ADARB2: variants seen among roughly 807,000 people sequenced by gnomAD.
ADARB2 encodes adenosine deaminase RNA specific B2 (inactive), also known as inactive double-stranded RNA-specific editase B2.
Under a neutral mutation model 62.2 loss-of-function variants are expected in ADARB2, and 25 were observed. That is an observed-to-expected ratio of 0.40 (90% CI 0.29 to 0.56). ADARB2 has a LOEUF of 0.56. ADARB2 is among the 20% of genes least tolerant of loss of function. The pLI is 0.43. For synonymous variants in ADARB2, 572 were observed against 500.8 expected (o/e 1.14, Z -1.90); for missense variants, 1,071 against 1,077.4 (o/e 0.99, Z 0.08).
At chr10:1,227,891 T>G (rs1227570636) in intron 6 of ADARB2, among the ~76,000 whole-genome samples, 3 of 152,218 alleles carry the variant, frequency 2.0e-5, no homozygotes, top group Admixed American at 2.0e-4. Context: ...TCCACAGAAG[T>G]TACCATGTGT....
chr10:1,279,295 C>T, intron 3 of ADARB2, among the ~76,000 whole-genome samples: 1 of 150,830 alleles, frequency 6.6e-6, no homozygotes, highest in African/African-American at 2.5e-5. Flanking sequence ...GACCAGACTC[C>T]ATGGCATCAT....
At chr10:1,682,575 G>A (rs945290165) in intron 1 of ADARB2, among the ~76,000 whole-genome samples, 25 of 152,128 alleles carry the variant, frequency 1.6e-4, no homozygotes, top group Admixed American at 8.5e-4. Flanking sequence ...GATTAAGCCG[G>A]GTTCAGGGTG....
At chr10:1,567,346 G>C (rs1457264808) in intron 1 of ADARB2, among the ~76,000 whole-genome samples, 1 of 152,220 alleles carries the variant, frequency 6.6e-6, no homozygotes, top group African/African-American at 2.4e-5. Context: ...TGAGCTCGCA[G>C]GCGTGAACCC....
chr10:1,724,277 C>G lies in ADARB2; in HGVS notation c.100+12774G>C, dbSNP rs376104305. ...CACCCATCTCTGCATCTGGCCCATA[C>G]AGAACCATGAGGTGCACAATTCTTG... On this transcript the variant is annotated intron_variant, in intron 1 of 9. Coordinates refer to ENST00000381312, the MANE Select transcript of ADARB2 (RefSeq NM_018702.4). Among the ~76,000 whole-genome samples, 54 of 152,320 alleles carry G rather than the reference C, an allele frequency of 3.5e-4. 1 individual carries two copies. The highest frequency in any genetic ancestry group is 1.3e-3 in the African/African-American group (53 of 41,568).
At chr10:1,341,920 G>A (rs1035243614) in intron 3 of ADARB2, among the ~76,000 whole-genome samples, 1 of 152,234 alleles carries the variant, frequency 6.6e-6, no homozygotes, top group East Asian at 1.9e-4. Flanking sequence ...TCCTTCAGGC[G>A]GAATGGGGCT....
intron 1 of ADARB2, among the ~76,000 whole-genome samples, chr10:1,719,234 G>A (rs1467441445): frequency 6.6e-6 from 1 of 152,158 alleles, no homozygotes; most frequent in African/African-American, 2.4e-5. Context: ...AAAGTGCTGG[G>A]ATTACAGGTG....
At chr10:1,264,052 G>T (rs1831169942) in intron 4 of ADARB2, among the ~76,000 whole-genome samples, 1 of 151,958 alleles carries the variant, frequency 6.6e-6, no homozygotes. Context: ...GCTCCTTATT[G>T]TACTCAGCCG....
chr10:1,454,613 G>A (rs1831075307), intron 1 of ADARB2, among the ~76,000 whole-genome samples: 1 of 152,142 alleles, frequency 6.6e-6, no homozygotes, highest in African/African-American at 2.4e-5. Flanking sequence ...ACCTGCATGA[G>A]GTCCCTAGAG....
rs527992918 is a variant in ADARB2 at position 1,424,661 on chromosome 10, G to A, written c.101-45501C>T. Among the ~76,000 whole-genome samples the A allele has an allele frequency of 7.9e-5, 12 of 152,186 alleles. No individual in the cohort carries two copies. The South Asian group carries it at 2.5e-3, about 32-fold the overall frequency. ...CAGGAGTTTGCAAAAAAAAAAGAGA[G>A]AGATAAATAAAAAGTAAAAGGCACA... On this transcript the variant is annotated intron_variant, in intron 1 of 9. Transcript: ENST00000381312.
chr10:1,551,286 G>A (rs1168209173), intron 1 of ADARB2, among the ~76,000 whole-genome samples: 1 of 152,186 alleles, frequency 6.6e-6, no homozygotes, highest in Non-Finnish European at 1.5e-5. Context: ...CAACGTGAAT[G>A]TCTATTATTG....
At chr10:1,499,043 C>T (rs1831728852) in intron 1 of ADARB2, among the ~76,000 whole-genome samples, 1 of 149,036 alleles carries the variant, frequency 6.7e-6, no homozygotes, top group Non-Finnish European at 1.5e-5. Flanking sequence ...ATCATTCACT[C>T]ATTACTCGTC....
chr10:1,318,242 C>A (rs1234329206), intron 3 of ADARB2, among the ~76,000 whole-genome samples: 1 of 152,082 alleles, frequency 6.6e-6, no homozygotes, highest in Non-Finnish European at 1.5e-5. Context: ...TCACAGGTGA[C>A]GGATCCTGTA....
intron 1 of ADARB2, among the ~76,000 whole-genome samples, chr10:1,576,754 G>A (rs559566573): frequency 6.6e-6 from 1 of 152,310 alleles, no homozygotes; most frequent in East Asian, 1.9e-4. Context: ...CATCCCCAGG[G>A]TCTCTCAAGG....
At chr10:1,246,199 G>A (rs1830984962) in intron 4 of ADARB2, among the ~76,000 whole-genome samples, 1 of 151,844 alleles carries the variant, frequency 6.6e-6, no homozygotes, top group South Asian at 2.1e-4. Flanking sequence ...GATTTTTCTT[G>A]TAAATTTGTT....
rs528456812 is a variant in ADARB2 at position 1,614,866 on chromosome 10, G to A, written c.100+122185C>T. ...GCGGAGCTTGCAGTGAGCTGAGATCGCGCCAGTGCACTCCAGTATGGGTGA... is the reference window on the plus strand; with the variant it reads ...GCGGAGCTTGCAGTGAGCTGAGATCACGCCAGTGCACTCCAGTATGGGTGA... On this transcript the variant is annotated intron_variant, in intron 1 of 9. Coordinates refer to ENST00000381312, the MANE Select transcript of ADARB2 (RefSeq NM_018702.4). 9.0e-4 allele frequency among the ~76,000 whole-genome samples: 137 copies of A among 151,710 alleles called. 1 individual carries two copies. The highest frequency in any genetic ancestry group is 4.7e-3 in the Admixed American group (71 of 15,246).
chr10:1,414,597 A>C (rs901483762), intron 1 of ADARB2, among the ~76,000 whole-genome samples: 1 of 152,240 alleles, frequency 6.6e-6, no homozygotes, highest in South Asian at 2.1e-4. Flanking sequence ...TTAATGCAAC[A>C]TGCCCTTTCA....
intron 5 of ADARB2, 121 bp from the exon 6 acceptor site, chr10:1,233,966 C>CCTT: frequency 1.3e-6 from 1 of 745,566 alleles, no homozygotes; most frequent in Non-Finnish European, 1.7e-6. Flanking sequence ...TATATTTTTC[C>CCTT]TTTTTTTTTT....
At chr10:1,346,997 C>T (rs1422352868) in intron 3 of ADARB2, among the ~76,000 whole-genome samples, 1 of 152,260 alleles carries the variant, frequency 6.6e-6, no homozygotes, top group Non-Finnish European at 1.5e-5. Flanking sequence ...TCATGTTGAC[C>T]TATGGACATC....
intron 1 of ADARB2, among the ~76,000 whole-genome samples, chr10:1,683,763 T>C (rs1834568316): frequency 6.6e-6 from 1 of 152,110 alleles, no homozygotes; most frequent in Non-Finnish European, 1.5e-5. Context: ...TCTGAAGAAA[T>C]TGTAGCTTGG....
Sources: allele counts gnomAD v4.1 joint callset (sites outside exome capture counted in the v4.1 genomes callset), GRCh38; gene constraint gnomAD v4.1.1; transcripts MANE v1.5; gene names NCBI Gene and HGNC (gene_info 2026-07-23, HGNC 2026-07-21).